ME3: variants seen among roughly 807,000 people sequenced by gnomAD.
ME3 encodes malic enzyme 3, also known as NADP-dependent malic enzyme, mitochondrial.
Under a neutral mutation model 68.9 loss-of-function variants are expected in ME3, and 48 were observed. The observed-to-expected ratio is 0.70, with a 90% CI of 0.55 to 0.89. ME3 has a LOEUF of 0.89. Among genes scored for constraint, ME3 ranks in the 40% least tolerant of loss-of-function variants. ME3 has a pLI of 0.00. For synonymous variants in ME3, 320 were observed against 318.8 expected, an observed-to-expected ratio of 1.00 and a Z score of -0.04; for missense variants, 675 against 797.4, an observed-to-expected ratio of 0.85 and a Z score of 1.85.
chr11:86,643,926 C>T lies in ME3; in HGVS notation c.183+27836G>A, dbSNP rs866289653. Reference sequence around the variant, plus strand: ...GGCTCCAGCATCCTCCCCTGTATAACGAAGGTAATAACACCTGCCTCACAA... The same window carrying T: ...GGCTCCAGCATCCTCCCCTGTATAATGAAGGTAATAACACCTGCCTCACAA... On this transcript the variant is annotated intron_variant, in intron 2 of 14. Coordinates refer to ENST00000543262, the Ensembl canonical transcript of ME3. Among the ~76,000 whole-genome samples, 7 of 152,168 alleles carry T rather than the reference C, an allele frequency of 4.6e-5. No homozygotes were observed. The South Asian group carries it at 6.2e-4, about 14-fold the overall frequency.
At chr11:86,457,152 A>G (rs1949986799) in intron 8 of ME3, among the ~76,000 whole-genome samples, 1 of 152,024 alleles carries the variant, frequency 6.6e-6, no homozygotes, top group African/African-American at 2.4e-5. Flanking sequence ...TGCATATTCA[A>G]TTTTGCCCTC....
chr11:86,583,301 G>A (rs1958544718), intron 2 of ME3, among the ~76,000 whole-genome samples: 1 of 152,170 alleles, frequency 6.6e-6, no homozygotes, highest in South Asian at 2.1e-4. Context: ...CAGATATTAG[G>A]TTGATGCAAA....
At chr11:86,478,806 A>G (rs902232871) in intron 7 of ME3, among the ~76,000 whole-genome samples, 5 of 152,214 alleles carry the variant, frequency 3.3e-5, no homozygotes, top group Admixed American at 1.3e-4. Context: ...CACTCCTGAT[A>G]TGCTTCTTTG....
chr11:86,638,431 C>CA (rs5793206), intron 2 of ME3, among the ~76,000 whole-genome samples: 25,592 of 150,396 alleles, frequency 0.17, 2,253 homozygotes, highest in Non-Finnish European at 0.19. Context: ...TATACAAATG[C>CA]AAAAAAAAAT....
At chr11:86,541,776 C>CA (rs1486484857) in intron 4 of ME3, among the ~76,000 whole-genome samples, 1 of 152,238 alleles carries the variant, frequency 6.6e-6, no homozygotes, top group Admixed American at 6.5e-5. Flanking sequence ...GTGGATCTCC[C>CA]AGCACAGTGC....
chr11:86,578,126 A>G (rs1307466044), intron 2 of ME3, among the ~76,000 whole-genome samples: 1 of 152,188 alleles, frequency 6.6e-6, no homozygotes, highest in Non-Finnish European at 1.5e-5. Flanking sequence ...AGTTGGAAAG[A>G]TTATGAATCA....
chr11:86,630,911 A>G (rs1352318439), intron 2 of ME3, among the ~76,000 whole-genome samples: 1 of 152,236 alleles, frequency 6.6e-6, no homozygotes, highest in Non-Finnish European at 1.5e-5. Flanking sequence ...AAACCTGGAA[A>G]GGAGCAGGGT....
chr11:86,548,771 G>T (rs1244027626), intron 4 of ME3, among the ~76,000 whole-genome samples: 2 of 152,118 alleles, frequency 1.3e-5, no homozygotes, highest in African/African-American at 4.8e-5. Flanking sequence ...GTGAGGCCCA[G>T]AAAGGGGGAG....
intron 2 of ME3, among the ~76,000 whole-genome samples, chr11:86,617,382 G>C (rs759465877): frequency 1.3e-5 from 2 of 151,924 alleles, no homozygotes; most frequent in Non-Finnish European, 2.9e-5. Context: ...ACTAAGTCTC[G>C]TTTAAAAGTT....
chr11:86,450,083 C>T (rs1052568892), intron 9 of ME3, 81 bp from the exon 10 acceptor site: 11 of 1,222,580 alleles, frequency 9.0e-6, no homozygotes, highest in African/African-American at 3.0e-5. Context: ...CCATAAGGAC[C>T]CCCTTTTCTT....
chr11:86,532,596 AT>A (rs766445728), intron 4 of ME3, among the ~76,000 whole-genome samples: 6 of 152,248 alleles, frequency 3.9e-5, no homozygotes, highest in Non-Finnish European at 7.3e-5. Flanking sequence ...ATACGTGGAA[AT>A]TAAACAACAT....
chr11:86,598,789 T>C (rs1960038817), intron 2 of ME3, among the ~76,000 whole-genome samples: 1 of 152,130 alleles, frequency 6.6e-6, no homozygotes. Context: ...CATTCGCGGA[T>C]CACGAAAATC....
chr11:86,590,469 G>T (rs1024615122), intron 2 of ME3, among the ~76,000 whole-genome samples: 1 of 152,222 alleles, frequency 6.6e-6, no homozygotes. Flanking sequence ...AGTGGGGAAA[G>T]CTTCACAGAA....
At chr11:86,449,772 G>T in intron 10 of ME3, 117 bp downstream of exon 10, 2 of 707,948 alleles carry the variant, frequency 2.8e-6, no homozygotes, top group East Asian at 2.5e-5. Flanking sequence ...TTAGGCCATT[G>T]CCCTCATTTT....
intron 4 of ME3, 130 bp from the exon 5 acceptor site, chr11:86,508,997 G>A (rs937227312): frequency 2.4e-5 from 17 of 713,522 alleles, no homozygotes; most frequent in African/African-American, 8.9e-5. Flanking sequence ...ATTCCTGCCC[G>A]AGGCCCCAGC....
At chr11:86,568,646 T>C (rs1392004907) in intron 2 of ME3, among the ~76,000 whole-genome samples, 2 of 152,200 alleles carry the variant, frequency 1.3e-5, no homozygotes, top group Admixed American at 6.5e-5. Context: ...GCCCCTTAGA[T>C]GGTGCTTCTG....
intron 2 of ME3, among the ~76,000 whole-genome samples, chr11:86,570,888 C>A (rs961047781): frequency 1.3e-5 from 2 of 152,164 alleles, no homozygotes; most frequent in African/African-American, 2.4e-5. Flanking sequence ...GGGAAGGGAA[C>A]TGGACAACAA....
chr11:86,553,440 AAAGT>A (rs971694027), intron 4 of ME3, among the ~76,000 whole-genome samples: 3 of 152,110 alleles, frequency 2.0e-5, no homozygotes, highest in Non-Finnish European at 4.4e-5. Flanking sequence ...GCTAATCCAC[AAAGT>A]AAGTCCAAGC....
Position 86,483,857 on chromosome 11 carries a change from G to A in ME3, c.809+3480C>T, listed in dbSNP as rs116110427. On this transcript the variant is annotated intron_variant, in intron 7 of 14. Coordinates refer to ENST00000543262, the Ensembl canonical transcript of ME3. The stretch of plus-strand genomic sequence containing the variant: ...CAGAACACAGTCAACTCCCATCCTT[G>A]CTACTGTAAGTAACAGAAATGAAAA... 9.8e-3 allele frequency among the ~76,000 whole-genome samples: 1,494 copies of A among 152,276 alleles called. 31 individuals carry two copies. Among genetic ancestry groups the A allele is most frequent in the African/African-American group, 0.033 (1,390 of 41,534 alleles).
Sources: gnomAD v4.1 joint callset for allele counts (sites outside exome capture counted in the v4.1 genomes callset) on GRCh38, gnomAD v4.1.1 for gene constraint, MANE v1.5 for transcripts, NCBI Gene and HGNC (gene_info 2026-07-23, HGNC 2026-07-21) for gene names.